NFKB1: variants seen among roughly 807,000 people sequenced by gnomAD.
The protein encoded by NFKB1 is nuclear factor NF-kappa-B p105 subunit.
A neutral mutation model predicts 105.1 loss-of-function variants in NFKB1; 9 were observed. The ratio of observed to expected loss-of-function variants is 0.09; its 90% confidence interval spans 0.05 to 0.15. The LOEUF (loss-of-function observed/expected upper bound fraction) is 0.15. NFKB1 is among the 10% of genes least tolerant of loss of function. The pLI, the probability that NFKB1 is intolerant of heterozygous loss-of-function variation, is 1.00. For missense variants in NFKB1, 830 were observed against 1,203.7 expected, an observed-to-expected ratio of 0.69 and a Z score of 4.59; for synonymous variants, 440 against 442.2, an observed-to-expected ratio of 1.00 and a Z score of 0.06.
intron 1 of NFKB1, among the ~76,000 whole-genome samples, chr4:102,513,021 C>G (rs183747375): frequency 1.3e-5 from 2 of 152,310 alleles, no homozygotes; most frequent in South Asian, 2.1e-4. Flanking sequence ...ACTTCTTCCT[C>G]AGTCTGAAAA....
At chr4:102,588,089 A>C (rs541475956) in intron 11 of NFKB1, among the ~76,000 whole-genome samples, 3 of 152,224 alleles carry the variant, frequency 2.0e-5, no homozygotes, top group African/African-American at 7.2e-5. Context: ...TTGTCTTCCT[A>C]CCACCCCGAG....
At chr4:102,581,941 C>A (rs930432123) in intron 9 of NFKB1, among the ~76,000 whole-genome samples, 1 of 152,174 alleles carries the variant, frequency 6.6e-6, no homozygotes, top group African/African-American at 2.4e-5. Flanking sequence ...CCTAGTATTT[C>A]TAAAATTCTA....
At chr4:102,534,007 C>A in intron 4 of NFKB1, 122 bp downstream of exon 4, 1 of 803,572 alleles carries the variant, frequency 1.2e-6, no homozygotes, top group Non-Finnish European at 2.0e-6. Context: ...GATCAACAAC[C>A]TGACAAATTA....
intron 5 of NFKB1, among the ~76,000 whole-genome samples, chr4:102,542,929 T>C (rs776221328): frequency 6.6e-6 from 1 of 152,250 alleles, no homozygotes; most frequent in Non-Finnish European, 1.5e-5. Context: ...CTAACTCTTA[T>C]ATCTTGTCCT....
chr4:102,616,798 T>C lies in NFKB1; in HGVS notation c.*204T>C. 1.9e-6 allele frequency: 1 copy of C among 520,048 alleles called. No homozygotes were observed. Among genetic ancestry groups the C allele is most frequent in the Admixed American group, 3.3e-5 (1 of 30,136 alleles). 32.2% of individuals were successfully genotyped at this position (520,048 alleles called of 1,614,324 possible). A position where few individuals can be genotyped will look rare whatever the true frequency, so the allele number is the denominator to read the frequency against. ...TAGTTTGGTTCACTTACAGATAGTA[T>C]CTAGCAATCACAACACTGGCTGAGC... On this transcript the variant is annotated 3_prime_UTR_variant, in exon 24 of 24. Coordinates refer to ENST00000226574, the MANE Select transcript of NFKB1 (RefSeq NM_003998.4).
At chr4:102,508,658 AT>A (rs1438488646) in intron 1 of NFKB1, among the ~76,000 whole-genome samples, 6 of 152,194 alleles carry the variant, frequency 3.9e-5, no homozygotes, top group Non-Finnish European at 7.4e-5. Context: ...TAATGCATTC[AT>A]TTATTATACT....
rs1405499554 is a variant in NFKB1, at chr4:102,533,634, C to CT, written c.119-210dup. Among the ~76,000 whole-genome samples the CT allele has an allele frequency of 2.0e-5, 3 of 152,202 alleles. No individual in the cohort carries two copies. In the East Asian group the frequency reaches 5.8e-4, roughly 29 times the overall value. On this transcript the variant is annotated intron_variant, in intron 3 of 23. Coordinates refer to ENST00000226574, the MANE Select transcript of NFKB1 (RefSeq NM_003998.4). Reference sequence around the variant, plus strand: ...ACAAACATTTACTTATTGTGGTTCGCTAAACTCGTAAAACTATTGTTAAAA... The same window carrying CT: ...ACAAACATTTACTTATTGTGGTTCGCTTAAACTCGTAAAACTATTGTTAAAA...
chr4:102,551,078 A>G (rs1722538581), intron 5 of NFKB1, among the ~76,000 whole-genome samples: 1 of 152,202 alleles, frequency 6.6e-6, no homozygotes, highest in African/African-American at 2.4e-5. Flanking sequence ...ACCCGAATCC[A>G]TCTAAACCCA....
chr4:102,614,093 A>G (rs1454846063), intron 23 of NFKB1, among the ~76,000 whole-genome samples: 1 of 151,962 alleles, frequency 6.6e-6, no homozygotes, highest in Non-Finnish European at 1.5e-5. Flanking sequence ...CATGCTTTCT[A>G]TTTCTAAACC....
At chr4:102,546,323 A>G (rs550283386) in intron 5 of NFKB1, among the ~76,000 whole-genome samples, 1 of 152,066 alleles carries the variant, frequency 6.6e-6, no homozygotes, top group Non-Finnish European at 1.5e-5. Context: ...TTACTTAGCT[A>G]CAGTTTCCAG....
At chr4:102,582,826 C>T (rs774917191) in intron 9 of NFKB1, 40 bp from the exon 10 acceptor site, 1 of 1,299,208 alleles carries the variant, frequency 7.7e-7, no homozygotes, top group Non-Finnish European at 1.1e-6. Context: ...ATACTATTTA[C>T]ACTATGTGAA....
chr4:102,614,106 C>T (rs537412791), intron 23 of NFKB1, among the ~76,000 whole-genome samples: 3 of 152,226 alleles, frequency 2.0e-5, no homozygotes, highest in African/African-American at 4.8e-5. Flanking sequence ...TCTAAACCCC[C>T]AACACTCCTT....
At chr4:102,552,817 G>A (rs1249639845) in intron 5 of NFKB1, among the ~76,000 whole-genome samples, 2 of 151,962 alleles carry the variant, frequency 1.3e-5, no homozygotes, top group African/African-American at 4.8e-5. Context: ...CCAAATTACT[G>A]GCTGATCCTA....
chr4:102,596,208 C>A lies in NFKB1; in HGVS notation c.1371C>A (p.Asn457Lys). ...CDKSDDKNTV[N>K]LFGKVIETTE... ...AAAGTGATGACAAAAACACTGTAAA[C>A]CTCTTTGGGAAAGTTATTGAAACCA... Residue 457 changes from asparagine (N) to lysine (K), a missense_variant, in exon 14 of 24, where the codon AAC (asparagine) becomes AAA (lysine). By Grantham distance (94) the Asn-to-Lys change is moderately conservative. Transcript: ENST00000226574. The A allele has an allele frequency of 6.2e-7, 1 of 1,613,456 alleles. No individual in the cohort carries two copies. Among genetic ancestry groups the A allele is most frequent in the Non-Finnish European group, 8.5e-7 (1 of 1,179,490 alleles).
At chr4:102,606,131 G>A (rs184586869) in intron 16 of NFKB1, among the ~76,000 whole-genome samples, 4 of 152,184 alleles carry the variant, frequency 2.6e-5, no homozygotes, top group Non-Finnish European at 5.9e-5. Context: ...AGAAAAAATT[G>A]TAAGTATATG....
intron 6 of NFKB1, among the ~76,000 whole-genome samples, chr4:102,571,757 A>G (rs1724384128): frequency 6.6e-6 from 1 of 152,262 alleles, no homozygotes; most frequent in Non-Finnish European, 1.5e-5. Flanking sequence ...ACTGGCCATC[A>G]GAGAAATGCC....
chr4:102,560,560 T>C (rs1312260155), intron 5 of NFKB1, among the ~76,000 whole-genome samples: 1 of 152,094 alleles, frequency 6.6e-6, no homozygotes, highest in Non-Finnish European at 1.5e-5. Flanking sequence ...CCATGAGTAC[T>C]ACCAGGAAAA....
At chr4:102,510,043 T>C (rs1739677589) in intron 1 of NFKB1, among the ~76,000 whole-genome samples, 3 of 152,304 alleles carry the variant, frequency 2.0e-5, no homozygotes, top group South Asian at 4.1e-4. Context: ...CCACAGTTTC[T>C]GACTTTGAAT....
At chr4:102,570,337 T>C (rs1724230834) in intron 6 of NFKB1, among the ~76,000 whole-genome samples, 2 of 152,218 alleles carry the variant, frequency 1.3e-5, no homozygotes, top group Admixed American at 1.3e-4. Context: ...TGCATTAGTT[T>C]GCTAAGGACA....
Sources: gnomAD v4.1 joint callset for allele counts (sites outside exome capture counted in the v4.1 genomes callset) on GRCh38, gnomAD v4.1.1 for gene constraint, MANE v1.5 for transcripts, NCBI Gene and HGNC (gene_info 2026-07-23, HGNC 2026-07-21) for gene names.